The following WWOX variants were observed in gnomAD, a reference collection of about 807,000 sequenced individuals.
The protein encoded by WWOX is WW domain containing oxidoreductase.
In WWOX, 69 loss-of-function variants were observed where a neutral mutation model predicts 46.2. That is an observed-to-expected ratio of 1.49 (90% CI 1.23 to 1.82). The LOEUF (loss-of-function observed/expected upper bound fraction) is 1.82. Ranked by LOEUF, WWOX falls within the 40% of genes most tolerant of loss-of-function variation. The pLI, the probability that WWOX is intolerant of heterozygous loss-of-function variation, is 0.00. For missense variants in WWOX, 919 were observed against 542.6 expected, an observed-to-expected ratio of 1.69 and a Z score of -6.89; for synonymous variants, 359 against 202.6, an observed-to-expected ratio of 1.77 and a Z score of -6.56.
intron 8 of WWOX, among the ~76,000 whole-genome samples, chr16:78,833,422 TCTCCTCCTCCTC>T (rs56086314): frequency 1.3e-5 from 2 of 150,268 alleles, no homozygotes; most frequent in African/African-American, 4.9e-5. Context: ...GGCCCAGCCA[TCTCCTCCTCCTC>T]CTCCTCCTCC....
rs181114070 is a variant in WWOX, at chr16:78,969,257, C to A, written c.1057-242351C>A. 6.4e-4 allele frequency among the ~76,000 whole-genome samples: 86 copies of A among 133,368 alleles called. 1 individual carries two copies. Among genetic ancestry groups the A allele is most frequent in the African/African-American group, 2.6e-3 (81 of 31,714 alleles). 87.5% of individuals were successfully genotyped at this position (133,368 alleles called of 152,430 possible). On this transcript the variant is annotated intron_variant, in intron 8 of 8. Coordinates refer to ENST00000566780, the MANE Select transcript of WWOX (RefSeq NM_016373.4). Reference sequence around the variant, plus strand: ...AACACTAGGATTGCCACCCTGCTCTCTCTCTCTCTCTCTTTTTTTTTTTTT... The same window carrying A: ...AACACTAGGATTGCCACCCTGCTCTATCTCTCTCTCTCTTTTTTTTTTTTT...
At chr16:78,693,710 C>T (rs1051801584) in intron 8 of WWOX, among the ~76,000 whole-genome samples, 20 of 152,066 alleles carry the variant, frequency 1.3e-4, no homozygotes, top group Non-Finnish European at 2.6e-4. Flanking sequence ...ACTAATCGCC[C>T]TCTATTGCAC....
At chr16:79,048,001 T>C (rs1567513354) in intron 8 of WWOX, among the ~76,000 whole-genome samples, 1 of 152,104 alleles carries the variant, frequency 6.6e-6, no homozygotes, top group Non-Finnish European at 1.5e-5. Context: ...CCTGAAAATA[T>C]CCCTTGTGGT....
chr16:78,703,296 A>T (rs975679061), intron 8 of WWOX, among the ~76,000 whole-genome samples: 1 of 152,076 alleles, frequency 6.6e-6, no homozygotes. Flanking sequence ...CTTCTCTCCC[A>T]TCTTTCCTGT....
At chr16:78,522,734 G>C (rs971031807) in intron 8 of WWOX, among the ~76,000 whole-genome samples, 22 of 152,374 alleles carry the variant, frequency 1.4e-4, no homozygotes, top group African/African-American at 5.0e-4. Context: ...GCTCTGATGA[G>C]ACTTGGGATG....
chr16:78,511,334 C>A (rs1171095169), intron 8 of WWOX, among the ~76,000 whole-genome samples: 2 of 152,102 alleles, frequency 1.3e-5, no homozygotes, highest in African/African-American at 4.8e-5. Context: ...ACACTATGAC[C>A]GTTGACGAAG....
At chr16:78,142,399 T>C (rs888027590) in intron 4 of WWOX, among the ~76,000 whole-genome samples, 1 of 152,212 alleles carries the variant, frequency 6.6e-6, no homozygotes, top group Non-Finnish European at 1.5e-5. Flanking sequence ...GTTAATGCAA[T>C]GAAAACATTT....
At chr16:78,105,086 C>T (rs974450606) in intron 1 of WWOX, among the ~76,000 whole-genome samples, 8 of 152,212 alleles carry the variant, frequency 5.3e-5, no homozygotes, top group African/African-American at 1.7e-4. Flanking sequence ...TCTGGAGATG[C>T]TTTCTGTTGC....
chr16:78,926,963 A>G (rs1358355197), intron 8 of WWOX, among the ~76,000 whole-genome samples: 1 of 151,964 alleles, frequency 6.6e-6, no homozygotes, highest in Non-Finnish European at 1.5e-5. Flanking sequence ...CACCTGCCTA[A>G]TTTTGTATTT....
intron 8 of WWOX, among the ~76,000 whole-genome samples, chr16:78,597,781 A>ATAT (rs1567670156): frequency 8.3e-5 from 11 of 133,136 alleles, no homozygotes; most frequent in Admixed American, 2.1e-4. Context: ...TATATATATA[A>ATAT]AATATATTTC....
intron 8 of WWOX, among the ~76,000 whole-genome samples, chr16:78,979,386 G>T (rs757523032): frequency 1.3e-5 from 2 of 152,066 alleles, no homozygotes; most frequent in Non-Finnish European, 2.9e-5. Context: ...ATTAACATCA[G>T]CAGCAGCAAC....
intron 8 of WWOX, among the ~76,000 whole-genome samples, chr16:78,466,449 A>G (rs1482084138): frequency 6.6e-6 from 1 of 152,220 alleles, no homozygotes; most frequent in African/African-American, 2.4e-5. Context: ...AATTTATGTT[A>G]TGTGAATTTC....
At chr16:79,086,082 A>AG in intron 8 of WWOX, among the ~76,000 whole-genome samples, 2 of 151,482 alleles carry the variant, frequency 1.3e-5, no homozygotes, top group South Asian at 4.2e-4. Context: ...CAAAAAAAAG[A>AG]GCAGTATAGT....
intron 8 of WWOX, among the ~76,000 whole-genome samples, chr16:78,928,276 C>G (rs1351067961): frequency 6.7e-6 from 1 of 149,536 alleles, no homozygotes; most frequent in Non-Finnish European, 1.5e-5. Flanking sequence ...GATCTCGGCT[C>G]ACTGCAAGCT....
At chr16:79,077,562 G>A (rs968663700) in intron 8 of WWOX, 5 of 151,778 alleles carry the variant, frequency 3.3e-5, no homozygotes, top group South Asian at 2.1e-4. Context: ...CTTACATACC[G>A]ACAGCATACA....
chr16:78,422,684 T>TATATATATATATATACACAC (rs1263877025), intron 6 of WWOX, among the ~76,000 whole-genome samples: 3 of 52,970 alleles, frequency 5.7e-5, no homozygotes, highest in East Asian at 4.8e-4. Flanking sequence ...TATATATATA[T>TATATATATATATATACACAC]ACACACACAC....
At chr16:79,192,327 TCATTCATTCATCCACCCATC>T (rs1460653837) in intron 8 of WWOX, among the ~76,000 whole-genome samples, 3 of 106,354 alleles carry the variant, frequency 2.8e-5, no homozygotes. Flanking sequence ...ATTCATTCAT[TCATTCATTCATCCACCCATC>T]CATTCATTCA....
At chr16:79,146,214 G>C (rs2050180154) in intron 8 of WWOX, among the ~76,000 whole-genome samples, 3 of 152,230 alleles carry the variant, frequency 2.0e-5, no homozygotes, top group African/African-American at 7.2e-5. Flanking sequence ...ATATAATGCA[G>C]AGGAGAAAAC....
chr16:78,562,565 T>C (rs778062747), intron 8 of WWOX, among the ~76,000 whole-genome samples: 45 of 152,210 alleles, frequency 3.0e-4, no homozygotes, highest in Admixed American at 2.7e-3. Flanking sequence ...GCATTGCACG[T>C]GCCTCCCTCT....
Sources: gnomAD v4.1 joint callset for allele counts (sites outside exome capture counted in the v4.1 genomes callset) on GRCh38, gnomAD v4.1.1 for gene constraint, MANE v1.5 for transcripts, NCBI Gene and HGNC (gene_info 2026-07-23, HGNC 2026-07-21) for gene names.